TEX9: variants seen among roughly 807,000 people sequenced by gnomAD.
TEX9 encodes testis expressed 9, also known as testis-expressed protein 9.
A neutral mutation model predicts 59.6 loss-of-function variants in TEX9; 74 were observed. That is an observed-to-expected ratio of 1.24 (90% CI 1.03 to 1.51). The LOEUF (loss-of-function observed/expected upper bound fraction) is 1.51. Among genes scored for constraint, TEX9 ranks in the 40% most tolerant of loss-of-function variants. TEX9 has a pLI of 0.00. For synonymous variants in TEX9, 186 were observed against 152.2 expected, an observed-to-expected ratio of 1.22 and a Z score of -1.64; for missense variants, 522 against 447.8, an observed-to-expected ratio of 1.17 and a Z score of -1.49.
At position 56,339,211 on chromosome 15, in the gene TEX9, C is replaced by T. The variant is rs181398829; in HGVS notation, c.-106-34230C>T. Among the ~76,000 whole-genome samples the T allele has an allele frequency of 9.9e-4, 150 of 151,014 alleles. 2 individuals carry two copies. In the Middle Eastern group the frequency reaches 0.024, roughly 24 times the overall value. ...TAGCCTGGCCAACATGGTGAAACCC[C>T]GACTCTACTAAAAATACAAAAATTA... is the stretch of plus-strand genomic sequence containing the variant. On this transcript the variant is annotated intron_variant, in intron 1 of 5. Coordinates refer to the TEX9 transcript ENST00000560827.
intron 10 of TEX9, among the ~76,000 whole-genome samples, chr15:56,413,209 A>ATAATTAAATAATTATTAAATAATTTAATT (rs375813278): frequency 1.5e-5 from 2 of 132,852 alleles, no homozygotes; most frequent in Middle Eastern, 4.0e-3. Flanking sequence ...TTAATATTTA[A>ATAATTAAATAATTATTAAATAATTTAATT]TAATTAAATA....
chr15:56,333,481 A>G (rs2046198294), intron 1 of TEX9, among the ~76,000 whole-genome samples: 1 of 151,456 alleles, frequency 6.6e-6, no homozygotes, highest in African/African-American at 2.4e-5. Flanking sequence ...TCATGATAAA[A>G]AAAAAAAACC....
chr15:56,360,998 G>C (rs1380048778), upstream of TEX9, among the ~76,000 whole-genome samples: 1 of 152,108 alleles, frequency 6.6e-6, no homozygotes, highest in Admixed American at 6.5e-5. Context: ...ATGTAACCCT[G>C]TATGGCATGG....
intron 1 of TEX9, among the ~76,000 whole-genome samples, chr15:56,309,724 T>A (rs1274220024): frequency 8.9e-5 from 9 of 100,686 alleles, no homozygotes; most frequent in East Asian, 2.4e-4. Flanking sequence ...TTTTTTTTTT[T>A]AAAGCAGTGA....
At chr15:56,422,259 T>C (rs529103820) in intron 10 of TEX9, among the ~76,000 whole-genome samples, 2 of 151,742 alleles carry the variant, frequency 1.3e-5, no homozygotes, top group South Asian at 4.1e-4. Context: ...ATTAAAAAAA[T>C]AATAAAATAA....
intron 1 of TEX9, among the ~76,000 whole-genome samples, chr15:56,266,018 T>A (rs919868726): frequency 1.3e-5 from 2 of 152,342 alleles, no homozygotes; most frequent in East Asian, 3.9e-4. Context: ...TAATACCTTT[T>A]ATTCTGTCAG....
chr15:56,360,716 G>A (rs1044034492), upstream of TEX9, among the ~76,000 whole-genome samples: 3 of 152,268 alleles, frequency 2.0e-5, no homozygotes, highest in East Asian at 5.8e-4. Flanking sequence ...CAGGGAGCAT[G>A]GCTTTGATAT....
chr15:56,360,969 A>C (rs1355688080), upstream of TEX9, among the ~76,000 whole-genome samples: 3 of 152,014 alleles, frequency 2.0e-5, no homozygotes, highest in Admixed American at 1.3e-4. Flanking sequence ...CTGCCTCCTG[A>C]CTATCCCGAG....
Position 56,323,757 on chromosome 15 carries a change from AAGGAGGAG to A in TEX9, c.-106-49682_-106-49675del, listed in dbSNP as rs1490509040. The A allele has an allele frequency of 3.5e-3, 425 of 123,084 alleles. 2 individuals are homozygous for A. Among genetic ancestry groups the A allele is most frequent in the African/African-American group, 0.013 (402 of 30,572 alleles). 7.6% of individuals were successfully genotyped at this position (123,084 alleles called of 1,614,324 possible). On this transcript the variant is annotated intron_variant, in intron 1 of 5. Transcript: ENST00000560827. ...GGAGGAGAAGGAGGAGAAGGAGGAG[AAGGAGGAG>A]AAGGAGAGGGAGGGGGAGGGGGAAG...
intron 1 of TEX9, among the ~76,000 whole-genome samples, chr15:56,284,905 C>G (rs1276505768): frequency 6.6e-6 from 1 of 152,004 alleles, no homozygotes. Context: ...AGAGAGTATT[C>G]TCTATATGAT....
intron 1 of TEX9, among the ~76,000 whole-genome samples, chr15:56,260,838 T>C (rs1045011057): frequency 2.0e-5 from 3 of 152,010 alleles, no homozygotes; most frequent in Non-Finnish European, 4.4e-5. Context: ...TCTTAAATGT[T>C]TTGGAGAATT....
intron 1 of TEX9, among the ~76,000 whole-genome samples, chr15:56,275,210 C>G (rs911876351): frequency 2.8e-4 from 42 of 152,160 alleles, no homozygotes; most frequent in African/African-American, 1.0e-3. Flanking sequence ...TTTTTCATCC[C>G]CAGCTTCCAG....
intron 1 of TEX9, among the ~76,000 whole-genome samples, chr15:56,332,118 G>A (rs2046159023): frequency 2.4e-5 from 3 of 127,232 alleles, no homozygotes; most frequent in South Asian, 3.0e-4. Context: ...TCCCATTACT[G>A]GGTATATACC....
chr15:56,389,503 C>T, intron 6 of TEX9, 103 bp downstream of exon 6: 1 of 803,316 alleles, frequency 1.2e-6, no homozygotes, highest in Non-Finnish European at 2.0e-6. Context: ...GATCTTTTTA[C>T]ACCCTAAACA....
chr15:56,405,076 C>G (rs2049008143), intron 9 of TEX9, among the ~76,000 whole-genome samples: 1 of 152,010 alleles, frequency 6.6e-6, no homozygotes. Context: ...TACATGTATA[C>G]CCATGTATCA....
chr15:56,320,586 A>G (rs544236188), intron 1 of TEX9, among the ~76,000 whole-genome samples: 3 of 152,124 alleles, frequency 2.0e-5, no homozygotes, highest in South Asian at 2.1e-4. Flanking sequence ...TAAGGACACT[A>G]TTTCTATCAG....
At chr15:56,307,730 T>C (rs1330746607) in intron 1 of TEX9, among the ~76,000 whole-genome samples, 2 of 152,214 alleles carry the variant, frequency 1.3e-5, no homozygotes, top group African/African-American at 4.8e-5. Context: ...TAGCATATAC[T>C]TGTCATTCTC....
At chr15:56,272,935 TTTA>T (rs1431284685) in intron 1 of TEX9, among the ~76,000 whole-genome samples, 39 of 132,624 alleles carry the variant, frequency 2.9e-4, no homozygotes, top group South Asian at 1.0e-3. Context: ...TATTTATTTA[TTTA>T]TTTTTTTTGT....
At chr15:56,446,189 G>A (rs1057111487), downstream of TEX9, among the ~76,000 whole-genome samples, 2 of 152,000 alleles carry the variant, frequency 1.3e-5, no homozygotes, top group South Asian at 2.1e-4. Flanking sequence ...CAATAGATAT[G>A]TATGTGTATA....
Sources: gnomAD v4.1 joint callset for allele counts (sites outside exome capture counted in the v4.1 genomes callset) on GRCh38, gnomAD v4.1.1 for gene constraint, MANE v1.5 for transcripts, NCBI Gene and HGNC (gene_info 2026-07-23, HGNC 2026-07-21) for gene names.